The following ZNG1E variants were observed in gnomAD, a reference collection of about 807,000 sequenced individuals.
ZNG1E encodes the protein Zn regulated GTPase metalloprotein activator 1E.
the ZNG1E span, among the ~76,000 whole-genome samples, chr9:65,720,990 C>A: frequency 1.6e-4 from 23 of 146,816 alleles, no homozygotes; most frequent in African/African-American, 4.6e-4. Flanking sequence ...AAAAAAAAAA[C>A]CCAGTTCTTT....
At chr9:65,673,056 CAT>C in the ZNG1E span, among the ~76,000 whole-genome samples, 1 of 12,454 alleles carries the variant, frequency 8.0e-5, no homozygotes, top group Non-Finnish European at 1.6e-4. Flanking sequence ...ATAAATTTCA[CAT>C]ATGATACAAT....
chr9:65,662,354 C>G, the ZNG1E span, among the ~76,000 whole-genome samples: 1 of 152,244 alleles, frequency 6.6e-6, no homozygotes, highest in Non-Finnish European at 1.5e-5. Flanking sequence ...TGGATTAGGT[C>G]TTGGCCCAGA....
the ZNG1E span, among the ~76,000 whole-genome samples, chr9:65,717,679 C>T: frequency 0.039 from 5,462 of 138,698 alleles, 40 homozygotes; most frequent in African/African-American, 0.056. Flanking sequence ...ATGAAATTTG[C>T]CTTTCATTTT....
the ZNG1E span, among the ~76,000 whole-genome samples, chr9:65,716,617 C>A: frequency 6.7e-6 from 1 of 150,088 alleles, no homozygotes; most frequent in African/African-American, 2.5e-5. Context: ...TTTTATTGGA[C>A]CCCTTTTACT....
At chr9:65,691,241 C>T in the ZNG1E span, among the ~76,000 whole-genome samples, 2 of 149,136 alleles carry the variant, frequency 1.3e-5, no homozygotes, top group Non-Finnish European at 3.0e-5. Flanking sequence ...CACCATCGTA[C>T]CTGGTTAATT....
chr9:65,689,952 G>A, the ZNG1E span, among the ~76,000 whole-genome samples: 3 of 129,756 alleles, frequency 2.3e-5, no homozygotes, highest in Non-Finnish European at 4.9e-5. Flanking sequence ...AACGGACATT[G>A]ATTCAGCCCC....
At chr9:65,723,050 AG>A in the ZNG1E span, 1 of 407,524 alleles carries the variant, frequency 2.5e-6, no homozygotes, top group South Asian at 1.7e-5. Flanking sequence ...TTGAACTGGT[AG>A]GATTTTTTTT....
the ZNG1E span, among the ~76,000 whole-genome samples, chr9:65,713,931 G>C: frequency 1.1e-3 from 171 of 150,564 alleles, no homozygotes; most frequent in African/African-American, 3.9e-3. Context: ...AGTTCTCCTG[G>C]ATGATATCCT....
chr9:65,713,721 A>G, the ZNG1E span, among the ~76,000 whole-genome samples: 1 of 148,330 alleles, frequency 6.7e-6, no homozygotes, highest in South Asian at 2.1e-4. Context: ...CTGCCAAGAG[A>G]TCCGCTGTTA....
the ZNG1E span, chr9:65,703,673 G>T: frequency 3.2e-5 from 31 of 960,504 alleles, no homozygotes; most frequent in East Asian, 7.2e-4. Context: ...GAGCTCTGAG[G>T]CTCACAGCTG....
chr9:65,697,385 A>T, the ZNG1E span, among the ~76,000 whole-genome samples: 1,126 of 80,490 alleles, frequency 0.014, 145 homozygotes, highest in African/African-American at 0.045. Flanking sequence ...GTGTTCAATT[A>T]AAAAAAAAGT....
chr9:65,693,981 C>A, the ZNG1E span, among the ~76,000 whole-genome samples: 1 of 149,740 alleles, frequency 6.7e-6, no homozygotes. Context: ...TTCTCTCCCT[C>A]GTTGATAGAG....
chr9:65,675,246 A>G, the ZNG1E span, among the ~76,000 whole-genome samples: 1 of 152,290 alleles, frequency 6.6e-6, no homozygotes, highest in African/African-American at 2.4e-5. Flanking sequence ...GGAGTTCACT[A>G]TAAATTTATA....
At chr9:65,717,429 A>T in the ZNG1E span, among the ~76,000 whole-genome samples, 1 of 147,838 alleles carries the variant, frequency 6.8e-6, no homozygotes, top group African/African-American at 2.6e-5. Context: ...TTTCTGAAAT[A>T]ACCAGAAGTC....
At chr9:65,671,720 T>G in the ZNG1E span, among the ~76,000 whole-genome samples, 2 of 149,292 alleles carry the variant, frequency 1.3e-5, no homozygotes, top group Admixed American at 1.3e-4. Context: ...TCTTCTGTCT[T>G]CAGGAGAAGA....
chr9:65,687,810 T>C, the ZNG1E span, among the ~76,000 whole-genome samples: 1 of 150,232 alleles, frequency 6.7e-6, no homozygotes, highest in Non-Finnish European at 1.5e-5. Context: ...TTTTTTTTAA[T>C]CTAAAATGCC....
the ZNG1E span, among the ~76,000 whole-genome samples, chr9:65,691,584 A>G: frequency 1.3e-5 from 2 of 150,024 alleles, no homozygotes; most frequent in Non-Finnish European, 2.9e-5. Flanking sequence ...GGTTTTCTTT[A>G]AAAAAAACAA....
chr9:65,721,375 T>A, the ZNG1E span, among the ~76,000 whole-genome samples: 7 of 143,514 alleles, frequency 4.9e-5, no homozygotes, highest in African/African-American at 8.5e-5. Flanking sequence ...TTAAAAAAAA[T>A]TCGATAACTC....
chr9:65,725,423 G>T, the ZNG1E span, among the ~76,000 whole-genome samples: 9 of 133,994 alleles, frequency 6.7e-5, no homozygotes, highest in African/African-American at 2.6e-4. Context: ...CCCAATTTTC[G>T]TCTCCCTCTG....
Sources: gnomAD v4.1 joint callset for allele counts (sites outside exome capture counted in the v4.1 genomes callset) on GRCh38, gnomAD v4.1.1 for gene constraint, MANE v1.5 for transcripts, NCBI Gene and HGNC (gene_info 2026-07-23, HGNC 2026-07-21) for gene names.